The following DNAH10 variants were observed in gnomAD, a reference collection of about 807,000 sequenced individuals.
The protein encoded by DNAH10 is dynein axonemal heavy chain 10.
A neutral mutation model predicts 506.6 loss-of-function variants in DNAH10; 348 were observed. That is an observed-to-expected ratio of 0.69 (90% CI 0.63 to 0.75). The LOEUF is 0.75. Among genes scored for constraint, DNAH10 ranks in the 30% least tolerant of loss-of-function variants. The probability of loss-of-function intolerance (pLI) is 0.00; values close to 1 mark genes in which losing one functional copy is unlikely to be tolerated. For synonymous variants in DNAH10, 2,059 were observed against 2,198.6 expected, an observed-to-expected ratio of 0.94 and a Z score of 1.78; for missense variants, 5,179 against 5,787.1, an observed-to-expected ratio of 0.89 and a Z score of 3.41.
intron 5 of DNAH10, among the ~76,000 whole-genome samples, chr12:123,780,033 T>G (rs1957582946): frequency 6.6e-6 from 1 of 152,138 alleles, no homozygotes. Context: ...CTAGCTACAT[T>G]TTGAAGAAAC....
chr12:123,772,789 T>G, intron 3 of DNAH10, 45 bp from the exon 4 acceptor site: 1 of 1,410,184 alleles, frequency 7.1e-7, no homozygotes, highest in African/African-American at 1.4e-5. Context: ...TTTAGGTGAA[T>G]GGATGTATCA....
intron 59 of DNAH10, among the ~76,000 whole-genome samples, chr12:123,912,463 G>C (rs1274991876): frequency 1.4e-5 from 1 of 73,276 alleles, no homozygotes; most frequent in Non-Finnish European, 2.6e-5. Context: ...TCTGTCCTGG[G>C]GGGTCTGTCC....
At chr12:123,858,015 ATGT>A (rs1307809030) in intron 37 of DNAH10, among the ~76,000 whole-genome samples, 2 of 152,078 alleles carry the variant, frequency 1.3e-5, no homozygotes, top group East Asian at 3.9e-4. Context: ...ACATTTATCC[ATGT>A]TGTGGCATGT....
intron 38 of DNAH10, among the ~76,000 whole-genome samples, chr12:123,860,373 T>C (rs1200945308): frequency 6.6e-6 from 1 of 152,270 alleles, no homozygotes; most frequent in Non-Finnish European, 1.5e-5. Context: ...TCATTCATTG[T>C]AAGTTTATAG....
At position 123,833,259 on chromosome 12, in the gene DNAH10, G is replaced by T. The variant is rs1960771552; in HGVS notation, c.4691G>T (p.Ser1564Ile). The change falls in exon 27 of 79, where the codon AGC (serine) becomes ATC (isoleucine). Residue 1564 changes from serine to isoleucine, a missense_variant. Around this residue, in one of 3 missense-constraint regions of DNAH10, gnomAD observed 4,844 missense variants for 5,430.5 expected, o/e 0.89. Transcript: ENST00000673944. Reference protein sequence around the residue: ...SLDDNTFNLQSISGSRFVGPF... With the variant: ...SLDDNTFNLQIISGSRFVGPF... ...GATGACAACACTTTCAACCTGCAGA[G>T]CATCTCAGGAAGCAGATTTGTGGGG... 6.2e-7 allele frequency: 1 copy of T among 1,613,884 alleles called. No homozygotes were observed. Among genetic ancestry groups the T allele is most frequent in the Non-Finnish European group, 8.5e-7 (1 of 1,179,868 alleles).
At chr12:123,871,347 T>C (rs756857741) in intron 44 of DNAH10, 110 bp from the exon 45 acceptor site, 10 of 1,295,510 alleles carry the variant, frequency 7.7e-6, no homozygotes, top group Non-Finnish European at 1.1e-5. Context: ...TCTTGGCCTT[T>C]GCTCCTGTTT....
intron 43 of DNAH10, among the ~76,000 whole-genome samples, chr12:123,869,252 G>T (rs76205663): frequency 6.6e-6 from 1 of 152,012 alleles, no homozygotes; most frequent in African/African-American, 2.4e-5. Flanking sequence ...CTGTTGCCTC[G>T]AGCACCCATA....
chr12:123,886,071 T>C (rs969084561), intron 51 of DNAH10, among the ~76,000 whole-genome samples: 21 of 152,366 alleles, frequency 1.4e-4, no homozygotes, highest in African/African-American at 5.0e-4. Flanking sequence ...AAATACATAA[T>C]TGAAATCATT....
intron 28 of DNAH10, 118 bp downstream of exon 28, chr12:123,835,646 A>G (rs553136784): frequency 7.0e-7 from 1 of 1,425,378 alleles, no homozygotes; most frequent in Non-Finnish European, 9.3e-7. Flanking sequence ...TTTTTTAGAG[A>G]CAGGGTTTTG....
At chr12:123,797,965 C>T (rs2136260534) in intron 13 of DNAH10, among the ~76,000 whole-genome samples, 1 of 152,346 alleles carries the variant, frequency 6.6e-6, no homozygotes, top group Non-Finnish European at 1.5e-5. Context: ...AAGTATCCCC[C>T]AGATAATACG....
chr12:123,770,225 G>A (rs1164185289), intron 2 of DNAH10, among the ~76,000 whole-genome samples: 1 of 151,822 alleles, frequency 6.6e-6, no homozygotes, highest in East Asian at 1.9e-4. Flanking sequence ...TCCAGCCTGG[G>A]TGACACAGTG....
At position 123,910,727 on chromosome 12, in the gene DNAH10, A is replaced by G. The variant is rs531423772; in HGVS notation, c.10134+55A>G. 4.3e-4 allele frequency: 682 copies of G among 1,595,724 alleles called. 6 individuals are homozygous for G. In the Middle Eastern group the frequency reaches 0.014, roughly 34 times the overall value. ...ACTGCCAAGGGACCCATTCAGAGTC[A>G]GAATTCACATGTACATACCTTTGCT... On this transcript the variant is annotated intron_variant, in intron 59 of 78. Coordinates refer to ENST00000673944, the MANE Select transcript of DNAH10 (RefSeq NM_001372106.1).
At chr12:123,794,471 G>A (rs1336074203) in intron 12 of DNAH10, among the ~76,000 whole-genome samples, 2 of 152,118 alleles carry the variant, frequency 1.3e-5, no homozygotes, top group Non-Finnish European at 2.9e-5. Context: ...TATGGTGTTA[G>A]GCACAGAGAT....
chr12:123,898,745 A>G lies in DNAH10; in HGVS notation c.9571A>G (p.Ile3191Val), dbSNP rs1360578469. The change falls in exon 56 of 79, where the codon ATC becomes GTC. Residue 3191 changes from isoleucine (I) to valine (V), a missense_variant. This residue lies in a region of DNAH10 where 4,844 missense variants were observed against 5,430.5 expected (regional missense o/e 0.89). Transcript: ENST00000673944. Reference protein sequence around the residue: ...ELNQKLAEQKIVLAEKSAACE... With the variant: ...ELNQKLAEQKVVLAEKSAACE... ...GAACCAGAAGCTGGCCGAGCAGAAG[A>G]TCGTGCTGGCGGAGAAGTCCGCCGC... The G allele has an allele frequency of 5.0e-6, 8 of 1,611,680 alleles. No homozygotes were observed. Among genetic ancestry groups the G allele is most frequent in the Non-Finnish European group, 6.8e-6 (8 of 1,179,184 alleles).
In DNAH10 at chr12:123,784,006, G is replaced by C; in HGVS notation, c.1059G>C (p.Ala353=). 3 of 1,614,186 alleles carry C rather than the reference G, an allele frequency of 1.9e-6. No homozygotes were observed. The highest frequency in any genetic ancestry group is 2.5e-6 in the Non-Finnish European group (3 of 1,180,032). Residue 353 remains alanine (A), a synonymous_variant, in exon 8 of 79, where the codon GCG becomes GCC. Coordinates refer to ENST00000673944, the MANE Select transcript of DNAH10 (RefSeq NM_001372106.1). ...GGGAAAGAAATGCAACCTTAAGTGC[G>C]CTGCATGAACAAACAAAGCTTCCAA... ...FWRERNATLS[A]LHEQTKLPIV... is the part of the protein sequence containing the mutation.
intron 2 of DNAH10, among the ~76,000 whole-genome samples, chr12:123,768,937 CT>C (rs1038987461): frequency 6.6e-6 from 1 of 152,114 alleles, no homozygotes; most frequent in African/African-American, 2.4e-5. Flanking sequence ...TGGGGTCTCA[CT>C]ATGTTGCCCA....
intron 18 of DNAH10, among the ~76,000 whole-genome samples, chr12:123,806,306 G>A (rs1378189128): frequency 6.6e-6 from 1 of 152,136 alleles, no homozygotes; most frequent in Admixed American, 6.5e-5. Context: ...CATGTTCTGT[G>A]CTGGACTCTT....
In DNAH10 at chr12:123,784,227, A is replaced by C. The variant is rs569339422; in HGVS notation, c.1230+50A>C. The C allele has an allele frequency of 1.9e-6, 3 of 1,544,804 alleles. No individual in the cohort carries two copies. The Admixed American group carries it at 5.0e-5, about 26-fold the overall frequency. ...CAGTCAGCTCTGTCAAAGAGATTTC[A>C]TATGATTTAATTTCCCTTTTAAAAA... On this transcript the variant is annotated intron_variant, in intron 8 of 78. Coordinates refer to ENST00000673944, the MANE Select transcript of DNAH10 (RefSeq NM_001372106.1).
intron 76 of DNAH10, 122 bp downstream of exon 76, chr12:123,932,230 C>A: frequency 5.8e-6 from 7 of 1,204,048 alleles, no homozygotes; most frequent in Non-Finnish European, 8.1e-6. Context: ...TTATTGGGTG[C>A]TCTGGAAATG....
Sources: allele counts gnomAD v4.1 joint callset (sites outside exome capture counted in the v4.1 genomes callset), GRCh38; gene constraint gnomAD v4.1.1; regional missense constraint gnomAD v4.1.1; transcripts MANE v1.5; gene names NCBI Gene and HGNC (gene_info 2026-07-23, HGNC 2026-07-21).